UBTD1: variants seen among roughly 807,000 people sequenced by gnomAD.
UBTD1 encodes the protein ubiquitin domain containing 1.
UBTD1 carries 19 observed loss-of-function variants against 21.7 expected under a neutral mutation model. That is an observed-to-expected ratio of 0.87 (90% CI 0.61 to 1.28). The LOEUF is 1.28. Ranked by LOEUF, UBTD1 falls within the 50% of genes most tolerant of loss-of-function variation. UBTD1 has a pLI of 0.00. For synonymous variants in UBTD1, 116 were observed against 135.1 expected (o/e 0.86, Z 0.98); for missense variants, 282 against 315.1 (o/e 0.89, Z 0.80).
intron 1 of UBTD1, among the ~76,000 whole-genome samples, chr10:97,530,227 G>GAATGAATGA (rs869148622): frequency 1.3e-5 from 1 of 76,460 alleles, no homozygotes; most frequent in Non-Finnish European, 3.3e-5. Context: ...TGAATGAATG[G>GAATGAATGA]ATGGATGAAT....
chr10:97,509,138 A>G (rs1399895299), intron 1 of UBTD1, among the ~76,000 whole-genome samples: 2 of 152,208 alleles, frequency 1.3e-5, no homozygotes, highest in African/African-American at 4.8e-5. Flanking sequence ...TTTCTCAAGT[A>G]TTAGATATCA....
chr10:97,542,223 G>A (rs768465418), intron 1 of UBTD1, among the ~76,000 whole-genome samples: 8 of 152,174 alleles, frequency 5.3e-5, no homozygotes, highest in East Asian at 1.9e-4. Flanking sequence ...GGCAGGATGC[G>A]TCCTCTACAG....
At chr10:97,520,891 G>C (rs2040464312) in intron 1 of UBTD1, among the ~76,000 whole-genome samples, 3 of 152,214 alleles carry the variant, frequency 2.0e-5, no homozygotes, top group Non-Finnish European at 2.9e-5. Flanking sequence ...TGCTAAACTG[G>C]CCAGCAAGTG....
At position 97,505,823 on chromosome 10, in the gene UBTD1, T is replaced by C. The variant is rs11189243; in HGVS notation, c.70+6550T>C. On this transcript the variant is annotated intron_variant, in intron 1 of 2. Transcript: ENST00000370664. ...TGTGATCTTAGAAAGTTTCTATTAT[T>C]CCAAGCTACCAGGATTTTTACACAC... 3.7e-3 allele frequency among the ~76,000 whole-genome samples: 565 copies of C among 152,332 alleles called. 2 individuals are homozygous for C. The highest frequency in any genetic ancestry group is 5.6e-3 in the Non-Finnish European group (381 of 68,028).
chr10:97,532,226 G>C (rs1240025448), intron 1 of UBTD1, among the ~76,000 whole-genome samples: 1 of 152,182 alleles, frequency 6.6e-6, no homozygotes, highest in African/African-American at 2.4e-5. Flanking sequence ...CCAAGCAGTT[G>C]GAGTTGTCTG....
At chr10:97,550,155 T>C (rs542881759) in intron 1 of UBTD1, among the ~76,000 whole-genome samples, 38 of 152,222 alleles carry the variant, frequency 2.5e-4, no homozygotes, top group African/African-American at 9.1e-4. Context: ...GAGAGCCGTG[T>C]CTCTCACACC....
At chr10:97,528,205 C>T (rs866113444) in intron 1 of UBTD1, among the ~76,000 whole-genome samples, 615 of 60,498 alleles carry the variant, frequency 0.01, 9 homozygotes, top group African/African-American at 0.032. Context: ...CTGGACGGGG[C>T]GGCTGGCCGG....
chr10:97,520,115 A>G (rs1228631137), intron 1 of UBTD1, among the ~76,000 whole-genome samples: 1 of 152,166 alleles, frequency 6.6e-6, no homozygotes, highest in East Asian at 1.9e-4. Context: ...CAGTTCCTTC[A>G]TCTGTTACAT....
intron 1 of UBTD1, among the ~76,000 whole-genome samples, chr10:97,559,035 T>C (rs1266240880): frequency 6.6e-6 from 1 of 152,172 alleles, no homozygotes; most frequent in East Asian, 1.9e-4. Flanking sequence ...GGCTGACTGA[T>C]TGATAAGCTC....
At position 97,570,120 on chromosome 10, in the gene UBTD1, G is replaced by T. The variant is rs1167211844; in HGVS notation, c.299-18G>T. 1 of 1,586,406 alleles carries T rather than the reference G, an allele frequency of 6.3e-7. No homozygotes were observed. Among genetic ancestry groups the T allele is most frequent in the Admixed American group, 1.7e-5 (1 of 59,026 alleles). ...GTGGATCCCCAAGCTGACTCTGACA[G>T]CCCTGCCTCTCCTACAGGCACCCTC... On this transcript the variant is annotated intron_variant, in intron 2 of 2. Coordinates refer to ENST00000370664, the MANE Select transcript of UBTD1 (RefSeq NM_024954.5). The surrounding 1 kb of genome is among the most constrained non-coding windows in gnomAD (Gnocchi z 6.6).
chr10:97,561,058 T>C (rs1589883615), intron 1 of UBTD1, among the ~76,000 whole-genome samples: 1 of 152,138 alleles, frequency 6.6e-6, no homozygotes, highest in South Asian at 2.1e-4. Flanking sequence ...AGACTAGTCT[T>C]ACCAAGTTTC....
Position 97,568,052 on chromosome 10 carries a change from C to T in UBTD1, c.209C>T (p.Ala70Val). ...AFEGRKEIWD[A>V]LKAAAYAAEA... ...GAGGGCCGCAAGGAGATCTGGGATG[C>T]CCTCAAGGCTGCCGCCTATGCTGCT... The change falls in exon 2 of 3, where the codon GCC becomes GTC. Residue 70 changes from alanine (A) to valine (V), a missense_variant. Ala to Val is a moderately conservative substitution (Grantham distance 64). Transcript: ENST00000370664. 6.2e-7 allele frequency: 1 copy of T among 1,613,886 alleles called. No homozygotes were observed. Among genetic ancestry groups the T allele is most frequent in the Non-Finnish European group, 8.5e-7 (1 of 1,180,040 alleles).
intron 1 of UBTD1, among the ~76,000 whole-genome samples, chr10:97,530,187 C>G (rs947402557): frequency 2.0e-5 from 3 of 147,080 alleles, no homozygotes; most frequent in Non-Finnish European, 4.5e-5. Flanking sequence ...ACTAGAAGCT[C>G]AATACATGTT....
chr10:97,515,865 CT>C (rs973809319), intron 1 of UBTD1, among the ~76,000 whole-genome samples: 1 of 152,218 alleles, frequency 6.6e-6, no homozygotes, highest in Non-Finnish European at 1.5e-5. Context: ...TGAAACAGGT[CT>C]GGCAGGAGCC....
intron 1 of UBTD1, among the ~76,000 whole-genome samples, chr10:97,563,994 A>G (rs12415338): frequency 0.57 from 86,435 of 152,044 alleles, 27,217 homozygotes; most frequent in Non-Finnish European, 0.73. Context: ...CGACGGACAC[A>G]GCTTTATTCT....
chr10:97,540,040 C>T (rs2040580630), intron 1 of UBTD1, among the ~76,000 whole-genome samples: 1 of 152,204 alleles, frequency 6.6e-6, no homozygotes, highest in Non-Finnish European at 1.5e-5. Context: ...CCATCTGGAA[C>T]CTTCTCTGAG....
At chr10:97,501,761 C>T (rs557975707) in intron 1 of UBTD1, among the ~76,000 whole-genome samples, 66 of 152,286 alleles carry the variant, frequency 4.3e-4, no homozygotes, top group African/African-American at 1.5e-3. Context: ...TTTGCTCGTG[C>T]CATTTCCTTC....
At chr10:97,555,741 T>C (rs1161285607) in intron 1 of UBTD1, among the ~76,000 whole-genome samples, 1 of 152,190 alleles carries the variant, frequency 6.6e-6, no homozygotes, top group Admixed American at 6.5e-5. Context: ...CTATACAATG[T>C]CTGGAATCTA....
chr10:97,561,663 T>C lies in UBTD1; in HGVS notation c.71-6251T>C, dbSNP rs1309393738. On this transcript the variant is annotated intron_variant, in intron 1 of 2. Transcript: ENST00000370664. ...TATGAGTTGATTTTTAACTACTGGTTTTAGGCCAGGCAGGCCCAGGTCTGG... is the reference window on the plus strand; with the variant it reads ...TATGAGTTGATTTTTAACTACTGGTCTTAGGCCAGGCAGGCCCAGGTCTGG... Among the ~76,000 whole-genome samples the C allele has an allele frequency of 3.2e-4, 49 of 152,184 alleles. 1 individual carries two copies. Among genetic ancestry groups the C allele is most frequent in the Admixed American group, 3.2e-3 (49 of 15,286 alleles).
Sources: gnomAD v4.1 joint callset for allele counts (sites outside exome capture counted in the v4.1 genomes callset) on GRCh38, gnomAD v4.1.1 for gene constraint, Gnocchi (gnomAD v3.1) non-coding constraint, MANE v1.5 for transcripts, NCBI Gene and HGNC (gene_info 2026-07-23, HGNC 2026-07-21) for gene names.